Variants in CDH13 observed in about 807,000 individuals in gnomAD.
CDH13 encodes cadherin 13.
CDH13 carries 24 observed loss-of-function variants against 63.8 expected under a neutral mutation model. That is an observed-to-expected ratio of 0.38 (90% CI 0.27 to 0.53). CDH13 has a LOEUF of 0.53. Among genes scored for constraint, CDH13 ranks in the 20% least tolerant of loss-of-function variants. The probability of loss-of-function intolerance (pLI) is 0.85; values close to 1 mark genes in which losing one functional copy is unlikely to be tolerated. For missense variants in CDH13, 1,049 were observed against 903.1 expected, an observed-to-expected ratio of 1.16 and a Z score of -2.07; for synonymous variants, 503 against 355.3, an observed-to-expected ratio of 1.42 and a Z score of -4.67.
At chr16:82,783,945 A>G (rs575381955) in intron 1 of CDH13, among the ~76,000 whole-genome samples, 7 of 152,320 alleles carry the variant, frequency 4.6e-5, no homozygotes, top group African/African-American at 1.7e-4. Context: ...TCTTCACAAT[A>G]CTTAATGTTA....
chr16:83,456,457 G>T (rs766536511), intron 6 of CDH13, among the ~76,000 whole-genome samples: 1 of 152,156 alleles, frequency 6.6e-6, no homozygotes. Flanking sequence ...CGTGAAAGAC[G>T]TCATGACAGT....
intron 6 of CDH13, among the ~76,000 whole-genome samples, chr16:83,374,125 C>T (rs907007392): frequency 6.6e-6 from 1 of 152,204 alleles, no homozygotes; most frequent in Non-Finnish European, 1.5e-5. Flanking sequence ...GTTCTTGCTG[C>T]TGTTCCATAA....
intron 10 of CDH13, among the ~76,000 whole-genome samples, chr16:83,704,846 A>G (rs1906770401): frequency 6.6e-6 from 1 of 152,244 alleles, no homozygotes; most frequent in East Asian, 1.9e-4. Flanking sequence ...TTTCAGCATG[A>G]GTGAAATCAC....
At chr16:83,209,597 T>C (rs893851086) in intron 4 of CDH13, among the ~76,000 whole-genome samples, 3 of 152,126 alleles carry the variant, frequency 2.0e-5, no homozygotes, top group Non-Finnish European at 4.4e-5. Flanking sequence ...TATAATCATA[T>C]AAAAACAGGC....
intron 6 of CDH13, among the ~76,000 whole-genome samples, chr16:83,353,096 G>A (rs1029002212): frequency 7.9e-5 from 12 of 152,192 alleles, no homozygotes; most frequent in Admixed American, 3.9e-4. Context: ...AGGGTGTAAC[G>A]TGTGAGAAAT....
chr16:83,095,520 T>G (rs1340763384), intron 3 of CDH13, among the ~76,000 whole-genome samples: 4 of 152,202 alleles, frequency 2.6e-5, no homozygotes, highest in African/African-American at 7.2e-5. Flanking sequence ...AATAACTATG[T>G]TATAATGCAA....
intron 3 of CDH13, among the ~76,000 whole-genome samples, chr16:83,119,605 T>C (rs762820081): frequency 2.0e-5 from 3 of 152,252 alleles, no homozygotes; most frequent in African/African-American, 2.4e-5. Flanking sequence ...TACATTATTT[T>C]TGTCACCACC....
At chr16:82,876,868 G>A (rs956479265) in intron 2 of CDH13, among the ~76,000 whole-genome samples, 4 of 152,170 alleles carry the variant, frequency 2.6e-5, no homozygotes, top group African/African-American at 9.7e-5. Context: ...CAAACAAGGG[G>A]AGGACTTGGG....
At chr16:83,592,776 A>G (rs755389393) in intron 7 of CDH13, among the ~76,000 whole-genome samples, 2 of 152,180 alleles carry the variant, frequency 1.3e-5, no homozygotes, top group Non-Finnish European at 2.9e-5. Flanking sequence ...GAATGCAAAA[A>G]TAAATAAATA....
intron 6 of CDH13, among the ~76,000 whole-genome samples, chr16:83,478,781 C>G (rs2073678809): frequency 6.8e-6 from 1 of 147,978 alleles, no homozygotes; most frequent in Non-Finnish European, 1.5e-5. Context: ...TCTTCACACC[C>G]AGAACTGAGA....
chr16:83,120,924 T>C (rs2035541066), intron 3 of CDH13, among the ~76,000 whole-genome samples: 1 of 151,918 alleles, frequency 6.6e-6, no homozygotes, highest in Non-Finnish European at 1.5e-5. Context: ...CCACCACACC[T>C]AGCTAATTTT....
intron 10 of CDH13, among the ~76,000 whole-genome samples, chr16:83,743,391 G>A (rs1912241003): frequency 6.6e-6 from 1 of 152,106 alleles, no homozygotes; most frequent in African/African-American, 2.4e-5. Context: ...GCCTAACCGT[G>A]CTGAGTATTG....
intron 2 of CDH13, among the ~76,000 whole-genome samples, chr16:82,896,929 C>T (rs908414765): frequency 4.0e-5 from 6 of 151,616 alleles, no homozygotes; most frequent in Admixed American, 1.3e-4. Flanking sequence ...TACAGGTGCC[C>T]GCCATCACGC....
intron 7 of CDH13, among the ~76,000 whole-genome samples, chr16:83,502,165 C>T (rs188387676): frequency 1.7e-3 from 252 of 152,260 alleles, no homozygotes; most frequent in African/African-American, 6.0e-3. Context: ...TGTTACCTTA[C>T]AGGGCAAATG....
chr16:83,449,745 G>T (rs550300602), intron 6 of CDH13, among the ~76,000 whole-genome samples: 7 of 152,218 alleles, frequency 4.6e-5, no homozygotes, highest in Admixed American at 4.6e-4. Context: ...TGTCATCTTG[G>T]ACAAATCCTT....
intron 5 of CDH13, among the ~76,000 whole-genome samples, chr16:83,253,268 C>G (rs971079021): frequency 4.6e-5 from 7 of 152,310 alleles, no homozygotes; most frequent in South Asian, 2.1e-4. Context: ...GGGGGTGGGA[C>G]TCCCTCTCTG....
intron 6 of CDH13, among the ~76,000 whole-genome samples, chr16:83,363,938 C>A (rs570003861): frequency 2.8e-4 from 42 of 152,224 alleles, no homozygotes; most frequent in Admixed American, 1.7e-3. Flanking sequence ...CTACAGTGGA[C>A]AGAGGGGAGT....
intron 6 of CDH13, among the ~76,000 whole-genome samples, chr16:83,411,530 A>G (rs2092125917): frequency 6.6e-6 from 1 of 152,200 alleles, no homozygotes; most frequent in Non-Finnish European, 1.5e-5. Flanking sequence ...AAATTCATTC[A>G]TTTAAATATT....
chr16:83,188,977 A>T lies in CDH13; in HGVS notation c.484-28368A>T, dbSNP rs8043611. ...TTTTAACTTTAGCTGTGACACTGGG[A>T]TCTCAGTCATGGAAGTTCACTGACA... On this transcript the variant is annotated intron_variant, in intron 4 of 13. Coordinates refer to ENST00000567109, the MANE Select transcript of CDH13 (RefSeq NM_001257.5). Among the ~76,000 whole-genome samples the T allele has an allele frequency of 3.3e-5, 5 of 152,078 alleles. 1 individual carries two copies. Among genetic ancestry groups the T allele is most frequent in the Admixed American group, 3.3e-4 (5 of 15,270 alleles).
Sources: gnomAD v4.1 joint callset for allele counts (sites outside exome capture counted in the v4.1 genomes callset) on GRCh38, gnomAD v4.1.1 for gene constraint, MANE v1.5 for transcripts, NCBI Gene and HGNC (gene_info 2026-07-23, HGNC 2026-07-21) for gene names.